TLL1: variants seen among roughly 807,000 people sequenced by gnomAD.
The protein encoded by TLL1 is tolloid like 1.
TLL1 carries 49 observed loss-of-function variants against 128.2 expected under a neutral mutation model. The observed-to-expected ratio is 0.38, with a 90% CI of 0.30 to 0.48. TLL1 has a LOEUF of 0.48. Among genes scored for constraint, TLL1 ranks in the 20% least tolerant of loss-of-function variants. The probability of loss-of-function intolerance (pLI) is 0.96; values close to 1 mark genes in which losing one functional copy is unlikely to be tolerated. For synonymous variants in TLL1, 454 were observed against 418.8 expected (o/e 1.08, Z -1.03); for missense variants, 1,123 against 1,242.0 (o/e 0.90, Z 1.44).
At chr4:166,078,782 G>A (rs542616569) in intron 18 of TLL1, among the ~76,000 whole-genome samples, 62 of 152,226 alleles carry the variant, frequency 4.1e-4, no homozygotes, top group African/African-American at 1.2e-3. Flanking sequence ...AGAAGGCAGT[G>A]CCAACTAACA....
chr4:166,086,006 A>G (rs1414611957), intron 18 of TLL1, among the ~76,000 whole-genome samples: 4 of 152,152 alleles, frequency 2.6e-5, no homozygotes, highest in Non-Finnish European at 1.5e-5. Flanking sequence ...ACTGTGTCTG[A>G]GATAACAATT....
At chr4:165,929,845 A>T (rs1003473016) in intron 1 of TLL1, among the ~76,000 whole-genome samples, 5 of 152,210 alleles carry the variant, frequency 3.3e-5, no homozygotes, top group Non-Finnish European at 5.9e-5. Context: ...ATGTCTGCAG[A>T]CTATGTGAGA....
At chr4:166,048,800 G>A (rs935096457) in intron 12 of TLL1, among the ~76,000 whole-genome samples, 3 of 152,142 alleles carry the variant, frequency 2.0e-5, no homozygotes, top group Non-Finnish European at 2.9e-5. Flanking sequence ...TTAAGTTTGA[G>A]GTACTTGTCA....
At chr4:165,995,731 T>A (rs1349796184) in intron 5 of TLL1, among the ~76,000 whole-genome samples, 1 of 152,166 alleles carries the variant, frequency 6.6e-6, no homozygotes, top group East Asian at 1.9e-4. Flanking sequence ...TTCCTCCATC[T>A]TATCTATTTA....
intron 5 of TLL1, among the ~76,000 whole-genome samples, chr4:165,995,746 T>C (rs1319767120): frequency 6.6e-6 from 1 of 152,174 alleles, no homozygotes; most frequent in East Asian, 1.9e-4. Flanking sequence ...TATTTAATAT[T>C]TAAGAGATAC....
At chr4:166,069,396 C>CT (rs1378565095) in intron 16 of TLL1, among the ~76,000 whole-genome samples, 1 of 151,520 alleles carries the variant, frequency 6.6e-6, no homozygotes, top group Non-Finnish European at 1.5e-5. Context: ...CCAAGAACTT[C>CT]TAAGAATTTT....
At chr4:166,041,467 A>C (rs912503162) in intron 10 of TLL1, among the ~76,000 whole-genome samples, 1 of 151,732 alleles carries the variant, frequency 6.6e-6, no homozygotes, top group Non-Finnish European at 1.5e-5. Flanking sequence ...CGCCCAGCTA[A>C]TTTTTGTATT....
intron 8 of TLL1, among the ~76,000 whole-genome samples, chr4:166,022,349 A>G (rs1030318333): frequency 4.6e-5 from 7 of 152,036 alleles, no homozygotes; most frequent in Admixed American, 3.3e-4. Context: ...TATTTTTAGT[A>G]GAGACGGGGT....
Position 166,100,805 on chromosome 4 carries a change from A to C in TLL1, c.2971A>C (p.Ile991Leu), listed in dbSNP as rs892340923. 3 of 1,613,124 alleles carry C rather than the reference A, an allele frequency of 1.9e-6. No individual in the cohort carries two copies. The highest frequency in any genetic ancestry group is 2.5e-6 in the Non-Finnish European group (3 of 1,179,394). ...VLIHFHTDDT[I>L]NKKGFHIRYK... is the part of the protein sequence containing the mutation. ...AATTCATTTCCACACTGATGACACA[A>C]TCAACAAGAAGGGATTTCATATAAG... is the stretch of plus-strand genomic sequence containing the variant. Residue 991 changes from isoleucine to leucine, a missense_variant, in exon 21 of 21, where the codon ATC (isoleucine) becomes CTC (leucine). Ile to Leu is a conservative substitution (Grantham distance 5). Around this residue, in one of 3 missense-constraint regions of TLL1, gnomAD observed 634 missense variants for 672.4 expected, o/e 0.94. Coordinates refer to ENST00000061240, the MANE Select transcript of TLL1 (RefSeq NM_012464.5).
At chr4:165,975,281 C>T (rs1403298090) in intron 1 of TLL1, among the ~76,000 whole-genome samples, 2 of 152,006 alleles carry the variant, frequency 1.3e-5, no homozygotes, top group Non-Finnish European at 2.9e-5. Context: ...TCAAAGCATC[C>T]TCTAAAAAAC....
At chr4:165,982,679 TC>T (rs1208776375) in intron 1 of TLL1, among the ~76,000 whole-genome samples, 3 of 151,070 alleles carry the variant, frequency 2.0e-5, no homozygotes, top group Non-Finnish European at 4.4e-5. Context: ...GAAAAAAGAT[TC>T]TTGTGTTTGT....
intron 19 of TLL1, among the ~76,000 whole-genome samples, chr4:166,098,495 A>G (rs930121348): frequency 6.6e-6 from 1 of 152,106 alleles, no homozygotes; most frequent in African/African-American, 2.4e-5. Flanking sequence ...AGTTCACTCA[A>G]AAATAACTGG....
chr4:165,989,446 A>G lies in TLL1; in HGVS notation c.235A>G (p.Ile79Val), dbSNP rs1195091634. ...AAATATCTTTCAAATAGATAGGACAATTGACCTTACGCAGAACCCCTTTGG... is the reference window on the plus strand; with the variant it reads ...AAATATCTTTCAAATAGATAGGACAGTTGACCTTACGCAGAACCCCTTTGG... Reference protein sequence around the residue: ...DLNIFQIDRTIDLTQNPFGNL... With the variant: ...DLNIFQIDRTVDLTQNPFGNL... The change falls in exon 2 of 21, where the codon ATT becomes GTT. Residue 79 changes from isoleucine (I) to valine (V), a missense_variant. Coordinates refer to ENST00000061240, the MANE Select transcript of TLL1 (RefSeq NM_012464.5). The G allele has an allele frequency of 1.9e-6, 3 of 1,612,876 alleles. No homozygotes were observed. Among genetic ancestry groups the G allele is most frequent in the Admixed American group, 1.7e-5 (1 of 59,862 alleles).
intron 9 of TLL1, among the ~76,000 whole-genome samples, chr4:166,037,586 T>A (rs930712392): frequency 1.3e-5 from 2 of 152,132 alleles, no homozygotes; most frequent in African/African-American, 4.8e-5. Context: ...GGCTGGTGGA[T>A]CACCTGAGGT....
At chr4:165,874,201 C>T (rs1730621547) in intron 1 of TLL1, 128 bp downstream of exon 1, 1 of 1,161,324 alleles carries the variant, frequency 8.6e-7, no homozygotes, top group African/African-American at 1.5e-5. Flanking sequence ...CCCTCCTTCT[C>T]TCCCCCTCCT....
chr4:165,937,314 C>T (rs1733810522), intron 1 of TLL1, among the ~76,000 whole-genome samples: 1 of 152,130 alleles, frequency 6.6e-6, no homozygotes, highest in Non-Finnish European at 1.5e-5. Flanking sequence ...TAGTTATTCT[C>T]TTTATTTCAC....
At chr4:166,014,999 C>A (rs1183207622) in intron 8 of TLL1, among the ~76,000 whole-genome samples, 1 of 151,504 alleles carries the variant, frequency 6.6e-6, no homozygotes, top group East Asian at 1.9e-4. Context: ...ACAATTTTAT[C>A]AGTAGGAATT....
At chr4:165,878,086 T>G (rs1730801086) in intron 1 of TLL1, among the ~76,000 whole-genome samples, 1 of 152,196 alleles carries the variant, frequency 6.6e-6, no homozygotes, top group Non-Finnish European at 1.5e-5. Context: ...AGTGTCCTAG[T>G]ATGCTAGGCC....
chr4:165,975,222 G>A (rs574133316), intron 1 of TLL1, among the ~76,000 whole-genome samples: 122 of 152,222 alleles, frequency 8.0e-4, no homozygotes, highest in Non-Finnish European at 1.4e-3. Context: ...AGCCTTCCCA[G>A]AATCTGGGAA....
Sources: allele counts gnomAD v4.1 joint callset (sites outside exome capture counted in the v4.1 genomes callset), GRCh38; gene constraint gnomAD v4.1.1; regional missense constraint gnomAD v4.1.1; transcripts MANE v1.5; gene names NCBI Gene and HGNC (gene_info 2026-07-23, HGNC 2026-07-21).